Variants in AMY2B observed in about 807,000 individuals in gnomAD.
AMY2B encodes the protein amylase alpha 2B.
AMY2B carries 63 observed loss-of-function variants against 59.3 expected under a neutral mutation model. That is an observed-to-expected ratio of 1.06 (90% CI 0.87 to 1.31). AMY2B has a LOEUF of 1.31. Among genes scored for constraint, AMY2B ranks in the 50% most tolerant of loss-of-function variants. The pLI is 0.00. For missense variants in AMY2B, 635 were observed against 626.7 expected (o/e 1.01, Z -0.14); for synonymous variants, 180 against 198.1 (o/e 0.91, Z 0.77).
upstream of AMY2B, chr1:103,569,233 C>G (rs755617733): frequency 6.6e-6 from 1 of 152,040 alleles, no homozygotes; most frequent in Non-Finnish European, 1.5e-5. Flanking sequence ...CCAAACCATA[C>G]ATATATACAT....
At chr1:103,555,135 T>C (rs569601616) in intron 1 of AMY2B, 23 of 152,232 alleles carry the variant, frequency 1.5e-4, no homozygotes, top group African/African-American at 5.3e-4. Flanking sequence ...GAAAGTGTAT[T>C]TAAAAATTAA....
chr1:103,565,708 C>A (rs1275786149), intron 2 of AMY2B: 3 of 152,122 alleles, frequency 2.0e-5, no homozygotes, highest in African/African-American at 7.2e-5. Flanking sequence ...TCGGATAAAA[C>A]AAATATCAAG....
intron 1 of AMY2B, chr1:103,565,422 T>C (rs769593436): frequency 6.6e-6 from 1 of 152,262 alleles, no homozygotes; most frequent in Non-Finnish European, 1.5e-5. Context: ...TTTAAAAATA[T>C]GTTCTTCCAC....
chr1:103,573,455 A>C (rs1486306303), intron 3 of AMY2B, among the ~76,000 whole-genome samples, 195 bp downstream of exon 3: 1 of 152,146 alleles, frequency 6.6e-6, no homozygotes, highest in Non-Finnish European at 1.5e-5. Context: ...TAATCAATAC[A>C]CATTTGCCCA....
chr1:103,555,678 T>A (rs1400213049), intron 1 of AMY2B, among the ~76,000 whole-genome samples: 1 of 152,130 alleles, frequency 6.6e-6, no homozygotes, highest in East Asian at 1.9e-4. Context: ...TTGACAAACT[T>A]GGTGGATGTC....
At chr1:103,560,526 A>C (rs948894459) in intron 1 of AMY2B, among the ~76,000 whole-genome samples, 1 of 151,886 alleles carries the variant, frequency 6.6e-6, no homozygotes, top group Non-Finnish European at 1.5e-5. Context: ...TTTACATTGA[A>C]TTTTTTTTAC....
At chr1:103,569,542 C>A, upstream of AMY2B, 1 of 323,516 alleles carries the variant, frequency 3.1e-6, no homozygotes. Context: ...CCCACTCCTC[C>A]ACCAGTCGCA....
upstream of AMY2B, chr1:103,571,327 AC>A (rs1652122122): frequency 2.2e-6 from 2 of 898,782 alleles, no homozygotes; most frequent in Admixed American, 3.3e-5. Context: ...TTACGTGAGA[AC>A]ATTAGGCCCC....
In AMY2B at chr1:103,579,406, A is replaced by C. The variant is rs1383768576; in HGVS notation, c.1442A>C (p.Lys481Thr). 6.2e-7 allele frequency: 1 copy of C among 1,611,812 alleles called. No homozygotes were observed. The highest frequency in any genetic ancestry group is 1.7e-5 in the Admixed American group (1 of 60,016). Residue 481 changes from lysine (K) to threonine (T), a missense_variant, in exon 10 of 10, where the codon AAA becomes ACA. Lys to Thr is a moderately conservative substitution (Grantham distance 78). Coordinates refer to ENST00000684275, the MANE Select transcript of AMY2B (RefSeq NM_001387437.1). Reference protein sequence around the residue: ...DKINGNCTGIKIYVSDDGKAH... With the variant: ...DKINGNCTGITIYVSDDGKAH... Reference sequence around the variant, plus strand: ...ATTAATGGCAATTGCACAGGCATTAAAATCTACGTTTCTGACGATGGCAAA... The same window carrying C: ...ATTAATGGCAATTGCACAGGCATTACAATCTACGTTTCTGACGATGGCAAA...
At chr1:103,573,554 A>C (rs1336641300) in intron 3 of AMY2B, among the ~76,000 whole-genome samples, 154 bp from the exon 4 acceptor site, 1 of 152,168 alleles carries the variant, frequency 6.6e-6, no homozygotes, top group Non-Finnish European at 1.5e-5. Context: ...TCCAAGATAC[A>C]TCTATAGTAG....
intron 4 of AMY2B, 40 bp downstream of exon 4, chr1:103,573,978 T>A: frequency 6.2e-7 from 1 of 1,613,230 alleles, no homozygotes; most frequent in African/African-American, 1.3e-5. Flanking sequence ...ATCATCTTAT[T>A]CATTAGAAAA....
upstream of AMY2B, chr1:103,570,432 G>T: frequency 2.3e-6 from 2 of 867,432 alleles, no homozygotes; most frequent in Non-Finnish European, 3.8e-6. Context: ...AGACCTGTAG[G>T]CCAACACGGT....
At chr1:103,564,361 C>T (rs1210040624) in intron 1 of AMY2B, among the ~76,000 whole-genome samples, 1 of 152,096 alleles carries the variant, frequency 6.6e-6, no homozygotes, top group Non-Finnish European at 1.5e-5. Flanking sequence ...ACTCTTTACA[C>T]CATCAGCCCT....
In AMY2B at chr1:103,576,159, G is replaced by A. The variant is rs370822513; in HGVS notation, c.1101+619G>A. ...CAAAAAGGAACAGAGAAATAAGAGT[G>A]TACAGATATTTGGAAAGCTAGTAGA... On this transcript the variant is annotated intron_variant, in intron 7 of 9. Coordinates refer to ENST00000684275, the MANE Select transcript of AMY2B (RefSeq NM_001387437.1). Among the ~76,000 whole-genome samples, 13 of 152,298 alleles carry A rather than the reference G, an allele frequency of 8.5e-5. No homozygotes were observed. The East Asian group carries it at 2.1e-3, about 25-fold the overall frequency.
intron 9 of AMY2B, among the ~76,000 whole-genome samples, chr1:103,579,102 C>T (rs574960558): frequency 1.1e-4 from 17 of 152,284 alleles, no homozygotes; most frequent in South Asian, 8.3e-4. Context: ...AATATTTTCA[C>T]TACGGACCAG....
chr1:103,562,416 A>G (rs1165206865), intron 1 of AMY2B, among the ~76,000 whole-genome samples: 1 of 152,192 alleles, frequency 6.6e-6, no homozygotes, highest in Non-Finnish European at 1.5e-5. Context: ...TTTTCAAAAG[A>G]AAAACAGAAA....
intron 8 of AMY2B, 25 bp from the exon 9 acceptor site, chr1:103,577,695 G>A (rs554132024): frequency 1.9e-5 from 31 of 1,611,746 alleles, no homozygotes; most frequent in East Asian, 6.7e-5. Flanking sequence ...GAATATCAAC[G>A]TTTTATATGG....
At chr1:103,564,483 C>T (rs767661289) in intron 1 of AMY2B, among the ~76,000 whole-genome samples, 2 of 152,102 alleles carry the variant, frequency 1.3e-5, no homozygotes, top group Non-Finnish European at 2.9e-5. Flanking sequence ...AAAATCATCT[C>T]GGGTAATAAA....
chr1:103,555,898 G>A (rs1056872711), intron 1 of AMY2B, among the ~76,000 whole-genome samples: 6 of 152,044 alleles, frequency 3.9e-5, no homozygotes, highest in Admixed American at 2.0e-4. Context: ...ACATAATGCC[G>A]GAAAGAGAGG....
Sources: gnomAD v4.1 joint callset for allele counts (sites outside exome capture counted in the v4.1 genomes callset) on GRCh38, gnomAD v4.1.1 for gene constraint, MANE v1.5 for transcripts, NCBI Gene and HGNC (gene_info 2026-07-23, HGNC 2026-07-21) for gene names.